The following BBS9 variants were observed in gnomAD, a reference collection of about 807,000 sequenced individuals.
BBS9 encodes protein PTHB1.
In BBS9, 89 loss-of-function variants were observed where a neutral mutation model predicts 117.7. That is an observed-to-expected ratio of 0.76 (90% confidence interval 0.64 to 0.90). The LOEUF (loss-of-function observed/expected upper bound fraction) is 0.90, where lower values mean the gene tolerates loss of function less well. Among genes scored for constraint, BBS9 ranks in the 40% least tolerant of loss-of-function variants. BBS9 has a pLI of 0.00. For missense variants in BBS9, 982 were observed against 1,042.2 expected (o/e 0.94, Z 0.80); for synonymous variants, 379 against 370.9 (o/e 1.02, Z -0.25).
chr7:33,600,280 A>C (rs1863594141), intron 21 of BBS9, among the ~76,000 whole-genome samples: 1 of 152,184 alleles, frequency 6.6e-6, no homozygotes, highest in Non-Finnish European at 1.5e-5. Context: ...GTTGAACCTA[A>C]TTCTAAAAGG....
intron 19 of BBS9, among the ~76,000 whole-genome samples, chr7:33,462,061 T>C (rs1004307368): frequency 1.3e-4 from 20 of 152,040 alleles, no homozygotes; most frequent in African/African-American, 4.8e-4. Flanking sequence ...AGATGTATAG[T>C]TTTTTTGTAG....
intron 5 of BBS9, among the ~76,000 whole-genome samples, chr7:33,218,994 C>T (rs1034686718): frequency 1.3e-5 from 2 of 152,234 alleles, no homozygotes; most frequent in Non-Finnish European, 2.9e-5. Flanking sequence ...CGAGCGGGAA[C>T]CCGGGCTGCG....
At chr7:33,132,202 A>G (rs1471341003) in intron 1 of BBS9, among the ~76,000 whole-genome samples, 4 of 152,212 alleles carry the variant, frequency 2.6e-5, no homozygotes, top group African/African-American at 4.8e-5. Flanking sequence ...GGGCGTGTGC[A>G]TAGGCCGTTT....
At chr7:33,362,303 G>A (rs1250517680) in intron 16 of BBS9, among the ~76,000 whole-genome samples, 1 of 151,956 alleles carries the variant, frequency 6.6e-6, no homozygotes, top group Non-Finnish European at 1.5e-5. Flanking sequence ...TTTCTTAATG[G>A]TTCATAAATT....
intron 5 of BBS9, among the ~76,000 whole-genome samples, chr7:33,206,250 T>C (rs781517012): frequency 6.6e-6 from 1 of 152,192 alleles, no homozygotes; most frequent in Admixed American, 6.5e-5. Flanking sequence ...GGGTTACTTA[T>C]AGAAGTGTGG....
At chr7:33,265,083 T>C (rs144105733) in intron 7 of BBS9, among the ~76,000 whole-genome samples, 130 of 152,284 alleles carry the variant, frequency 8.5e-4, no homozygotes, top group Middle Eastern at 3.4e-3. Flanking sequence ...CTCTTCCTTA[T>C]CTTGAGAACT....
chr7:33,543,901 C>A (rs1450575584), intron 21 of BBS9, among the ~76,000 whole-genome samples: 1 of 152,054 alleles, frequency 6.6e-6, no homozygotes, highest in Non-Finnish European at 1.5e-5. Flanking sequence ...TTTTCTTATT[C>A]TTTTTGCTTT....
In BBS9 at chr7:33,177,535, A is replaced by T; in HGVS notation, c.386A>T (p.His129Leu). Residue 129 changes from histidine to leucine, a missense_variant, in exon 5 of 23, where the codon CAT becomes CTT. Physicochemically the swap from His to Leu is moderately conservative, Grantham distance 99. Transcript: ENST00000242067. ...NQCQMKLMYE[H>L]NLQRTACNMT... is the part of the protein sequence containing the mutation. Reference sequence around the variant, plus strand: ...TGTCAGATGAAATTGATGTATGAACATAATCTTCAGAGAACAGCCTGCAAT... The same window carrying T: ...TGTCAGATGAAATTGATGTATGAACTTAATCTTCAGAGAACAGCCTGCAAT... The T allele has an allele frequency of 1.1e-5, 18 of 1,613,688 alleles. No individual in the cohort carries two copies. The highest frequency in any genetic ancestry group is 1.5e-5 in the Non-Finnish European group (18 of 1,179,908).
intron 19 of BBS9, among the ~76,000 whole-genome samples, chr7:33,504,618 G>A (rs181706064): frequency 2.6e-4 from 39 of 152,188 alleles, no homozygotes; most frequent in Admixed American, 6.5e-4. Flanking sequence ...ACTGTCAGAC[G>A]CCTTGAGCCT....
chr7:33,302,563 C>T (rs1771511350), intron 9 of BBS9, among the ~76,000 whole-genome samples: 1 of 152,072 alleles, frequency 6.6e-6, no homozygotes, highest in Admixed American at 6.5e-5. Context: ...TTCTTGACAC[C>T]TTTGTCAAAA....
chr7:33,306,352 T>C (rs1229623141), intron 9 of BBS9, among the ~76,000 whole-genome samples: 2 of 152,096 alleles, frequency 1.3e-5, no homozygotes, highest in East Asian at 1.9e-4. Flanking sequence ...AAGGCCATCA[T>C]GCTACTGAAG....
Position 33,349,068 on chromosome 7 carries a change from G to C in BBS9, c.1330G>C (p.Val444Leu), listed in dbSNP as rs200817595. Reference protein sequence around the residue: ...TDLVPSVTVKVTLQNRVILQK... With the variant: ...TDLVPSVTVKLTLQNRVILQK... ...TTGATAACAATTTCTGTTTCCTTAG[G>C]TCACACTGCAGAACAGAGTGATATT... The change falls in exon 13 of 23, where the codon GTC becomes CTC. Residue 444 changes from valine (V) to leucine (L), a missense_variant and splice_region_variant. Transcript: ENST00000242067. 23 of 1,590,804 alleles carry C rather than the reference G, an allele frequency of 1.4e-5. No individual in the cohort carries two copies. The highest frequency in any genetic ancestry group is 1.8e-5 in the Non-Finnish European group (21 of 1,159,364).
intron 19 of BBS9, among the ~76,000 whole-genome samples, chr7:33,432,345 G>A (rs544291699): frequency 1.3e-5 from 2 of 151,272 alleles, no homozygotes; most frequent in East Asian, 1.9e-4. Context: ...TCCTGACCTC[G>A]TGATCCGCCC....
At chr7:33,635,105 G>A (rs1585517429) in intron 21 of BBS9, among the ~76,000 whole-genome samples, 1 of 152,260 alleles carries the variant, frequency 6.6e-6, no homozygotes, top group East Asian at 1.9e-4. Context: ...GAGGGACATG[G>A]CATGGATGTG....
At chr7:33,531,855 T>A (rs1464869487) in intron 20 of BBS9, among the ~76,000 whole-genome samples, 1 of 152,186 alleles carries the variant, frequency 6.6e-6, no homozygotes, top group Non-Finnish European at 1.5e-5. Context: ...AGGCAGATGG[T>A]TGCCGTTGTA....
chr7:33,252,124 GA>G (rs576088049), intron 5 of BBS9, among the ~76,000 whole-genome samples: 179 of 152,248 alleles, frequency 1.2e-3, no homozygotes, highest in African/African-American at 3.9e-3. Flanking sequence ...GCAAGAGAGG[GA>G]GGGGGGAGGT....
At chr7:33,338,321 G>T (rs972289456) in intron 10 of BBS9, among the ~76,000 whole-genome samples, 4 of 151,976 alleles carry the variant, frequency 2.6e-5, no homozygotes, top group Non-Finnish European at 5.9e-5. Context: ...TGGTATGTTT[G>T]TTTATTAAAA....
rs181916472 is a variant in BBS9, at chr7:33,561,324, T to C, written c.2521+27148T>C. On this transcript the variant is annotated intron_variant, in intron 21 of 22. Coordinates refer to ENST00000242067, the MANE Select transcript of BBS9 (RefSeq NM_198428.3). Reference sequence around the variant, plus strand: ...AAGGGTAAATGTTTGTCCTGTCTTATTTCCTACTTCTTCATGCATAAGTTT... The same window carrying C: ...AAGGGTAAATGTTTGTCCTGTCTTACTTCCTACTTCTTCATGCATAAGTTT... Among the ~76,000 whole-genome samples, 762 of 152,332 alleles carry C rather than the reference T, an allele frequency of 5.0e-3. 8 individuals are homozygous for C. Among genetic ancestry groups the C allele is most frequent in the African/African-American group, 0.016 (662 of 41,590 alleles).
chr7:33,317,644 A>T (rs947879593), intron 9 of BBS9, among the ~76,000 whole-genome samples: 3 of 152,190 alleles, frequency 2.0e-5, no homozygotes, highest in Non-Finnish European at 4.4e-5. Flanking sequence ...CTGGGCTACC[A>T]TCTTTTCTTT....
Sources: gnomAD v4.1 joint callset for allele counts (sites outside exome capture counted in the v4.1 genomes callset) on GRCh38, gnomAD v4.1.1 for gene constraint, MANE v1.5 for transcripts, NCBI Gene and HGNC (gene_info 2026-07-23, HGNC 2026-07-21) for gene names.